KRT8: variants seen among roughly 807,000 people sequenced by gnomAD.
KRT8 encodes the protein keratin, type II cytoskeletal 8.
Under a neutral mutation model 43.0 loss-of-function variants are expected in KRT8, and 24 were observed. The ratio of observed to expected loss-of-function variants is 0.56; its 90% CI spans 0.40 to 0.78. KRT8 has a LOEUF of 0.78. Among genes scored for constraint, KRT8 ranks in the 30% least tolerant of loss-of-function variants. KRT8 has a pLI of 0.00. For synonymous variants in KRT8, 214 were observed against 261.2 expected, an observed-to-expected ratio of 0.82 and a Z score of 1.74; for missense variants, 492 against 638.4, an observed-to-expected ratio of 0.77 and a Z score of 2.47.
exon 4 of KRT8, chr12:52,900,600 C>T (rs1439029528): frequency 3.1e-6 from 5 of 1,609,456 alleles, no homozygotes; most frequent in Admixed American, 3.3e-5. Context: ...CTTCATATAG[C>T]TGCCTGAGGA....
At chr12:52,913,498 C>A (rs1941675460) in intron 2 of KRT8, among the ~76,000 whole-genome samples, 1 of 152,204 alleles carries the variant, frequency 6.6e-6, no homozygotes, top group Non-Finnish European at 1.5e-5. Flanking sequence ...GAGCACGTGT[C>A]TTTATATGCA....
At chr12:52,900,743 G>A (rs1435064164) in intron 3 of KRT8, 60 bp from the exon 4 acceptor site, 49 of 1,189,474 alleles carry the variant, frequency 4.1e-5, no homozygotes, top group Non-Finnish European at 6.0e-5. Flanking sequence ...CAACCAAGGG[G>A]CTCCCAAGGT....
At chr12:52,926,332 G>GGCCAACCCCCCCCC in intron 2 of KRT8, 1 of 600,278 alleles carries the variant, frequency 1.7e-6, no homozygotes, top group Non-Finnish European at 3.0e-6. Context: ...GGCACTAGCT[G>GGCCAACCCCCCCCC]CCCTCCCCAC....
intron 2 of KRT8, among the ~76,000 whole-genome samples, chr12:52,936,864 T>C (rs1046906111): frequency 2.0e-5 from 3 of 152,068 alleles, no homozygotes; most frequent in African/African-American, 7.2e-5. Context: ...AAATAAAAAC[T>C]TGATAAACTG....
intron 2 of KRT8, 90 bp from the exon 3 acceptor site, chr12:52,901,309 G>C (rs1941364025): frequency 2.1e-6 from 2 of 931,964 alleles, no homozygotes; most frequent in Non-Finnish European, 3.6e-6. Flanking sequence ...TGAAAATCAG[G>C]AAAATTCAGT....
chr12:52,949,251 C>T (rs755980643), intron 2 of KRT8: 2 of 1,611,328 alleles, frequency 1.2e-6, no homozygotes, highest in Non-Finnish European at 1.7e-6. Context: ...GCTACGGCGC[C>T]CGGCCGGTCA....
intron 2 of KRT8, chr12:52,901,454 C>A: frequency 1.7e-6 from 1 of 583,440 alleles, no homozygotes; most frequent in Non-Finnish European, 3.1e-6. Context: ...GGATTGGACA[C>A]CTTGAGAGTG....
intron 2 of KRT8, chr12:52,947,405 G>A (rs1942362549): frequency 1.3e-5 from 2 of 152,248 alleles, no homozygotes; most frequent in African/African-American, 4.8e-5. Flanking sequence ...CTGGGTCGCT[G>A]CTATGATGGT....
intron 2 of KRT8, among the ~76,000 whole-genome samples, chr12:52,932,346 C>T (rs1942098331): frequency 6.6e-6 from 1 of 152,088 alleles, no homozygotes; most frequent in Non-Finnish European, 1.5e-5. Flanking sequence ...CTCTGCCTGC[C>T]AAAGTGCTGG....
chr12:52,932,493 C>G (rs1041076672), intron 2 of KRT8, among the ~76,000 whole-genome samples: 1 of 152,034 alleles, frequency 6.6e-6, no homozygotes, highest in Non-Finnish European at 1.5e-5. Flanking sequence ...TCTTTCTGAC[C>G]TCTTCCCTGT....
intron 2 of KRT8, among the ~76,000 whole-genome samples, chr12:52,915,209 T>G (rs1048614814): frequency 6.6e-6 from 1 of 151,838 alleles, no homozygotes; most frequent in Non-Finnish European, 1.5e-5. Context: ...CCGTCTCTAC[T>G]AAAGATACAA....
At chr12:52,913,642 A>G (rs1428114097) in intron 2 of KRT8, among the ~76,000 whole-genome samples, 2 of 145,376 alleles carry the variant, frequency 1.4e-5, no homozygotes, top group Non-Finnish European at 3.0e-5. Context: ...TCCCTCACAC[A>G]CTCTCTCAGG....
At chr12:52,948,651 C>T (rs1037648946) in intron 2 of KRT8, 1 of 338,890 alleles carries the variant, frequency 3.0e-6, no homozygotes. Context: ...ACCATCACGT[C>T]CGGCTAATTT....
At chr12:52,939,053 C>A (rs779864618) in intron 2 of KRT8, among the ~76,000 whole-genome samples, 5 of 151,772 alleles carry the variant, frequency 3.3e-5, no homozygotes, top group African/African-American at 7.3e-5. Flanking sequence ...CCACTATACT[C>A]CAACCTGGGT....
upstream of KRT8, among the ~76,000 whole-genome samples, chr12:52,912,001 T>C (rs1230705754): frequency 6.6e-6 from 1 of 152,084 alleles, no homozygotes; most frequent in Non-Finnish European, 1.5e-5. Flanking sequence ...TGCACTCCAG[T>C]CTGGGTGACA....
intron 2 of KRT8, among the ~76,000 whole-genome samples, chr12:52,940,329 A>G (rs2120729344): frequency 6.6e-6 from 1 of 150,376 alleles, no homozygotes; most frequent in Admixed American, 6.7e-5. Context: ...GCTACTCGGG[A>G]GGCTAAGGCA....
intron 2 of KRT8, among the ~76,000 whole-genome samples, chr12:52,912,609 G>T (rs898811597): frequency 6.6e-5 from 10 of 152,194 alleles, no homozygotes; most frequent in South Asian, 2.1e-4. Context: ...TGATACAGAA[G>T]ACAAAGTTGC....
At position 52,904,393 on chromosome 12, in the gene KRT8, G is replaced by T. The variant is rs375637446; in HGVS notation, c.324+265C>A. 3.3e-4 allele frequency among the ~76,000 whole-genome samples: 51 copies of T among 152,278 alleles called. No individual in the cohort carries two copies. In the East Asian group the frequency reaches 9.1e-3, roughly 27 times the overall value. On this transcript the variant is annotated intron_variant, in intron 1 of 7. Transcript: ENST00000692008. ...GGGAACTAGGCTGTACCCTTAAGTT[G>T]TCTCTCTCTTCCAAGACCCTCCAGT... is the stretch of plus-strand genomic sequence containing the variant.
chr12:52,897,743 T>C (rs972440470), intron 7 of KRT8, 125 bp from the exon 8 acceptor site: 3 of 1,319,954 alleles, frequency 2.3e-6, no homozygotes, highest in Non-Finnish European at 3.2e-6. Flanking sequence ...CTCTGCCTGA[T>C]CAGTGATTGC....
Sources: gnomAD v4.1 joint callset for allele counts (sites outside exome capture counted in the v4.1 genomes callset) on GRCh38, gnomAD v4.1.1 for gene constraint, MANE v1.5 for transcripts, NCBI Gene and HGNC (gene_info 2026-07-23, HGNC 2026-07-21) for gene names.